DIS3L2: variants seen among roughly 807,000 people sequenced by gnomAD.
DIS3L2 encodes the protein DIS3-like exonuclease 2.
DIS3L2 carries 34 observed loss-of-function variants against 97.5 expected under a neutral mutation model. The observed-to-expected ratio is 0.35, with a 90% confidence interval of 0.27 to 0.46. The LOEUF is 0.46. Ranked by LOEUF, DIS3L2 falls within the 20% of genes least tolerant of loss-of-function variation. The pLI is 1.00. For missense variants in DIS3L2, 1,038 were observed against 1,146.0 expected, an observed-to-expected ratio of 0.91 and a Z score of 1.36; for synonymous variants, 435 against 445.2, an observed-to-expected ratio of 0.98 and a Z score of 0.29.
At chr2:232,144,563 A>G (rs1690162091) in intron 8 of DIS3L2, among the ~76,000 whole-genome samples, 1 of 152,042 alleles carries the variant, frequency 6.6e-6, no homozygotes, top group African/African-American at 2.4e-5. Flanking sequence ...CTTTTAACCT[A>G]TCTTCTCCTT....
chr2:232,066,377 A>C (rs1481895602), intron 5 of DIS3L2, among the ~76,000 whole-genome samples: 1 of 152,014 alleles, frequency 6.6e-6, no homozygotes, highest in African/African-American at 2.4e-5. Flanking sequence ...TGAGATGACT[A>C]TACAGATTCT....
chr2:231,986,781 A>G (rs1240705755), intron 1 of DIS3L2, among the ~76,000 whole-genome samples: 2 of 152,208 alleles, frequency 1.3e-5, no homozygotes, highest in Admixed American at 6.5e-5. Flanking sequence ...AAGCCTGTTT[A>G]ACCACTGAGC....
intron 6 of DIS3L2, among the ~76,000 whole-genome samples, chr2:232,117,248 G>A (rs576308221): frequency 6.6e-6 from 1 of 152,290 alleles, no homozygotes; most frequent in South Asian, 2.1e-4. Context: ...AGGGAAGGGG[G>A]ATCCAACAAA....
chr2:232,322,106 C>G (rs1011876304), intron 14 of DIS3L2, among the ~76,000 whole-genome samples: 1 of 152,216 alleles, frequency 6.6e-6, no homozygotes, highest in Non-Finnish European at 1.5e-5. Flanking sequence ...TGCCTGACCC[C>G]TGGGCAGCAA....
chr2:232,324,422 C>T (rs2106342489), intron 14 of DIS3L2, among the ~76,000 whole-genome samples: 1 of 152,252 alleles, frequency 6.6e-6, no homozygotes. Context: ...TGGCTGAGGG[C>T]AGAAGAGGCT....
At chr2:232,332,718 G>T (rs1224240614) in intron 16 of DIS3L2, among the ~76,000 whole-genome samples, 1 of 152,224 alleles carries the variant, frequency 6.6e-6, no homozygotes, top group Non-Finnish European at 1.5e-5. Flanking sequence ...AGGGTCAGGT[G>T]TCAGAGACGA....
chr2:232,006,961 G>T (rs775056865), intron 1 of DIS3L2, among the ~76,000 whole-genome samples: 9 of 152,132 alleles, frequency 5.9e-5, no homozygotes, highest in Admixed American at 2.6e-4. Flanking sequence ...GATGATAGAC[G>T]TCATATTCCA....
chr2:232,278,929 TTG>T (rs1212521447), intron 13 of DIS3L2, among the ~76,000 whole-genome samples: 1 of 152,076 alleles, frequency 6.6e-6, no homozygotes, highest in Non-Finnish European at 1.5e-5. Context: ...CAGCAATTTT[TTG>T]TTTGTTTGTT....
chr2:232,055,037 C>T (rs1466203652), intron 5 of DIS3L2, among the ~76,000 whole-genome samples: 1 of 152,080 alleles, frequency 6.6e-6, no homozygotes, highest in Non-Finnish European at 1.5e-5. Flanking sequence ...TAGAAAAGTA[C>T]TTGATGAAAT....
intron 1 of DIS3L2, among the ~76,000 whole-genome samples, chr2:231,979,410 C>T (rs1330340838): frequency 6.6e-6 from 1 of 152,004 alleles, no homozygotes. Flanking sequence ...GCATTCACCA[C>T]CATGCCCGGC....
At position 232,280,635 on chromosome 2, in the gene DIS3L2, A is replaced by G. The variant is rs759129100; in HGVS notation, c.1659+17195A>G. 1.0e-3 allele frequency among the ~76,000 whole-genome samples: 157 copies of G among 152,212 alleles called. 4 individuals are homozygous for G. Among genetic ancestry groups the G allele is most frequent in the Non-Finnish European group, 2.8e-4 (19 of 68,034 alleles). ...ACAGCTGGAGTGTAATGTGGTGGGAAGAAAGCCTGGTGTGGGTGAGAGACC... is the reference window on the plus strand; with the variant it reads ...ACAGCTGGAGTGTAATGTGGTGGGAGGAAAGCCTGGTGTGGGTGAGAGACC... On this transcript the variant is annotated intron_variant, in intron 13 of 20. Coordinates refer to ENST00000325385, the MANE Select transcript of DIS3L2 (RefSeq NM_152383.5).
At chr2:232,329,785 T>TCCCGGGGGGGGGCCCCCCCCCCC in intron 14 of DIS3L2, 28 bp from the exon 15 acceptor site, 1 of 967,144 alleles carries the variant, frequency 1.0e-6, no homozygotes, top group Non-Finnish European at 1.5e-6. Flanking sequence ...ACCCCAGCGG[T>TCCCGGGGGGGGGCCCCCCCCCCC]CCCTCCCATC....
intron 8 of DIS3L2, among the ~76,000 whole-genome samples, chr2:232,156,127 T>A (rs1251615504): frequency 2.0e-5 from 3 of 152,260 alleles, no homozygotes; most frequent in Non-Finnish European, 2.9e-5. Flanking sequence ...GTTATCTTTT[T>A]AAACTCTACT....
intron 5 of DIS3L2, among the ~76,000 whole-genome samples, chr2:232,045,925 T>G (rs1234056479): frequency 1.3e-5 from 2 of 152,100 alleles, no homozygotes; most frequent in Non-Finnish European, 2.9e-5. Flanking sequence ...TCCACCTGCC[T>G]CGGCCTCCCA....
At chr2:232,043,695 T>C (rs1201804955) in intron 5 of DIS3L2, among the ~76,000 whole-genome samples, 2 of 152,226 alleles carry the variant, frequency 1.3e-5, no homozygotes, top group Non-Finnish European at 2.9e-5. Context: ...CAAGTAAATT[T>C]GTTGATTTTG....
intron 6 of DIS3L2, among the ~76,000 whole-genome samples, chr2:232,092,682 T>C (rs1317251237): frequency 6.6e-6 from 1 of 152,236 alleles, no homozygotes; most frequent in Non-Finnish European, 1.5e-5. Flanking sequence ...ACTTTCTTGC[T>C]TTCTTTTTCA....
intron 9 of DIS3L2, among the ~76,000 whole-genome samples, chr2:232,174,408 A>G (rs1392172572): frequency 6.6e-6 from 1 of 151,858 alleles, no homozygotes; most frequent in Non-Finnish European, 1.5e-5. Flanking sequence ...TAACATAGTG[A>G]AACCCCGTCT....
At position 232,045,302 on chromosome 2, in the gene DIS3L2, G is replaced by A. The variant is rs945623909; in HGVS notation, c.366+15222G>A. ...CAGTGGTGAGCAGAGGTAAGTTCTT[G>A]TCAGCTTTGTTGGGGATGTTTCTTA... On this transcript the variant is annotated intron_variant, in intron 5 of 20. Coordinates refer to ENST00000325385, the MANE Select transcript of DIS3L2 (RefSeq NM_152383.5). Among the ~76,000 whole-genome samples, 35 of 152,306 alleles carry A rather than the reference G, an allele frequency of 2.3e-4. 1 individual carries two copies. The highest frequency in any genetic ancestry group is 8.2e-4 in the African/African-American group (34 of 41,576).
intron 5 of DIS3L2, among the ~76,000 whole-genome samples, chr2:232,040,364 G>C (rs1695076596): frequency 6.6e-6 from 1 of 152,092 alleles, no homozygotes; most frequent in African/African-American, 2.4e-5. Flanking sequence ...CTCTTCTGAG[G>C]ATCCTGCCCT....
Sources: gnomAD v4.1 joint callset for allele counts (sites outside exome capture counted in the v4.1 genomes callset) on GRCh38, gnomAD v4.1.1 for gene constraint, MANE v1.5 for transcripts, NCBI Gene and HGNC (gene_info 2026-07-23, HGNC 2026-07-21) for gene names.